Variants in COL10A1 observed in about 807,000 individuals in gnomAD.
COL10A1 encodes the protein collagen alpha-1(X) chain.
In COL10A1, 10 loss-of-function variants were observed where a neutral mutation model predicts 18.2. That is an observed-to-expected ratio of 0.55 (90% confidence interval 0.34 to 0.93). COL10A1 has a LOEUF of 0.93. Ranked by LOEUF, COL10A1 falls within the 40% of genes least tolerant of loss-of-function variation. The probability of loss-of-function intolerance (pLI) is 0.02; values close to 1 mark genes in which losing one functional copy is unlikely to be tolerated. For missense variants in COL10A1, 897 were observed against 853.5 expected (o/e 1.05, Z -0.64); for synonymous variants, 330 against 316.6 (o/e 1.04, Z -0.45).
At chr6:116,177,662 G>A in the COL10A1 span, among the ~76,000 whole-genome samples, 5 of 152,024 alleles carry the variant, frequency 3.3e-5, no homozygotes, top group South Asian at 2.1e-4. Context: ...CTAAAAATTC[G>A]TGGATATAAG....
intron 1 of COL10A1, among the ~76,000 whole-genome samples, chr6:116,143,429 G>A (rs1582831293): frequency 6.6e-6 from 1 of 152,100 alleles, no homozygotes; most frequent in East Asian, 1.9e-4. Context: ...GGCCAGGATG[G>A]TCTTGATCTC....
the COL10A1 span, among the ~76,000 whole-genome samples, chr6:116,184,526 T>C: frequency 6.6e-6 from 1 of 152,146 alleles, no homozygotes; most frequent in African/African-American, 2.4e-5. Context: ...TGGCCTTTTT[T>C]TGTTGGTAAC....
chr6:116,207,958 G>A, the COL10A1 span, among the ~76,000 whole-genome samples: 2 of 151,792 alleles, frequency 1.3e-5, no homozygotes, highest in African/African-American at 2.4e-5. Context: ...ATGTTGTCTC[G>A]GCATTCTGTT....
the COL10A1 span, among the ~76,000 whole-genome samples, chr6:116,196,615 G>A: frequency 6.6e-6 from 1 of 152,036 alleles, no homozygotes; most frequent in Non-Finnish European, 1.5e-5. Flanking sequence ...GAGGTCAGGG[G>A]AACAGGAGGA....
At chr6:116,150,439 C>A (rs937722928) in intron 1 of COL10A1, among the ~76,000 whole-genome samples, 1 of 152,060 alleles carries the variant, frequency 6.6e-6, no homozygotes, top group South Asian at 2.1e-4. Flanking sequence ...TGCCCGCCAC[C>A]ACACCCAACT....
At chr6:116,186,527 G>C in the COL10A1 span, among the ~76,000 whole-genome samples, 1 of 151,684 alleles carries the variant, frequency 6.6e-6, no homozygotes, top group Non-Finnish European at 1.5e-5. Flanking sequence ...TCTTAGGTTT[G>C]GTCATTTAAC....
upstream of COL10A1, among the ~76,000 whole-genome samples, chr6:116,130,564 C>CT (rs1779434237): frequency 6.6e-6 from 1 of 152,176 alleles, no homozygotes; most frequent in Admixed American, 6.5e-5. Flanking sequence ...AAACCACAGT[C>CT]TGAGTGCCTG....
At chr6:116,163,905 T>C in the COL10A1 span, among the ~76,000 whole-genome samples, 2,924 of 152,316 alleles carry the variant, frequency 0.019, 91 homozygotes, top group African/African-American at 0.066. Context: ...TATGTGGTTT[T>C]GAGAGTTCCT....
At chr6:116,183,122 G>T in the COL10A1 span, among the ~76,000 whole-genome samples, 1 of 152,018 alleles carries the variant, frequency 6.6e-6, no homozygotes, top group East Asian at 1.9e-4. Context: ...ACCATTTGTT[G>T]AATAGGGTAT....
chr6:116,187,830 GTATT>G, the COL10A1 span, among the ~76,000 whole-genome samples: 10 of 152,118 alleles, frequency 6.6e-5, no homozygotes, highest in East Asian at 1.9e-3. Context: ...GATAGAAACA[GTATT>G]GATTGATTGT....
intron 1 of COL10A1, among the ~76,000 whole-genome samples, chr6:116,154,803 ACT>A (rs1247181052): frequency 6.6e-6 from 1 of 152,140 alleles, no homozygotes; most frequent in Non-Finnish European, 1.5e-5. Context: ...AGGATTAATA[ACT>A]CTTAGCAGAG....
the COL10A1 span, among the ~76,000 whole-genome samples, chr6:116,193,772 TAAAAA>T: frequency 2.8e-5 from 1 of 35,536 alleles, no homozygotes; most frequent in Non-Finnish European, 5.7e-5. Flanking sequence ...CTGTTAAAAA[TAAAAA>T]AAGAGGAGTT....
Position 116,121,713 on chromosome 6 carries a change from G to A in COL10A1, c.403C>T (p.Pro135Ser). The change falls in exon 3 of 3, where the codon CCA becomes TCA. Residue 135 changes from proline to serine, a missense_variant. Physicochemically the swap from Pro to Ser is moderately conservative, Grantham distance 74 (BLOSUM62 -1). Transcript: ENST00000651968. ...GGTCCTGGTGGGCCCCGGGGTCCTG[G>A]TAGGCCAGCTGGTCCAACATCTCCT... is the stretch of plus-strand genomic sequence containing the variant. ...PKGDVGPAGL[P>S]GPRGPPGPPG... is the part of the protein sequence containing the mutation. The A allele has an allele frequency of 1.2e-6, 2 of 1,614,022 alleles. No homozygotes were observed. Among genetic ancestry groups the A allele is most frequent in the South Asian group, 1.1e-5 (1 of 91,054 alleles).
At chr6:116,203,387 C>G in the COL10A1 span, among the ~76,000 whole-genome samples, 1 of 151,916 alleles carries the variant, frequency 6.6e-6, no homozygotes, top group East Asian at 1.9e-4. Context: ...TCCCTTCTAG[C>G]CAACATCCCT....
chr6:116,121,713 G>C lies in COL10A1; in HGVS notation c.403C>G (p.Pro135Ala). ...GGTCCTGGTGGGCCCCGGGGTCCTG[G>C]TAGGCCAGCTGGTCCAACATCTCCT... is the stretch of plus-strand genomic sequence containing the variant. ...PKGDVGPAGL[P>A]GPRGPPGPPG... Residue 135 changes from proline to alanine, a missense_variant, in exon 3 of 3, where the codon CCA (proline) becomes GCA (alanine). By Grantham distance (27) the Pro-to-Ala change is conservative. Transcript: ENST00000651968. 1 of 1,614,022 alleles carries C rather than the reference G, an allele frequency of 6.2e-7. No homozygotes were observed. Among genetic ancestry groups the C allele is most frequent in the Non-Finnish European group, 8.5e-7 (1 of 1,179,978 alleles).
upstream of COL10A1, among the ~76,000 whole-genome samples, chr6:116,159,600 C>T (rs75133028): frequency 4.1e-4 from 62 of 152,300 alleles, no homozygotes; most frequent in African/African-American, 1.5e-3. Flanking sequence ...ATGCTCCCTG[C>T]AGCACACACA....
At position 116,151,082 on chromosome 6, in the gene COL10A1, A is replaced by G. The variant is rs184831430; in HGVS notation, c.-16+7532T>C. ...TCTCTGAGTTTTTATTTTTTTGTGAATTTGCTCAGGGATTAGAATTTGCAG... is the reference window on the plus strand; with the variant it reads ...TCTCTGAGTTTTTATTTTTTTGTGAGTTTGCTCAGGGATTAGAATTTGCAG... On this transcript the variant is annotated intron_variant, in intron 1 of 1. Transcript: ENST00000418500. Among the ~76,000 whole-genome samples, 594 of 152,058 alleles carry G rather than the reference A, an allele frequency of 3.9e-3. 3 individuals are homozygous for G. The highest frequency in any genetic ancestry group is 6.4e-3 in the Admixed American group (98 of 15,254).
upstream of COL10A1, among the ~76,000 whole-genome samples, chr6:116,127,613 C>T (rs1028767968): frequency 6.6e-6 from 1 of 152,002 alleles, no homozygotes; most frequent in Non-Finnish European, 1.5e-5. Flanking sequence ...TGGCTTATGG[C>T]CCATTTGGAC....
At chr6:116,151,110 C>A (rs571014639) in intron 1 of COL10A1, among the ~76,000 whole-genome samples, 1 of 152,192 alleles carries the variant, frequency 6.6e-6, no homozygotes, top group Admixed American at 6.5e-5. Flanking sequence ...ATTTGCAGCT[C>A]CTAATTGCAA....
Sources: allele counts gnomAD v4.1 joint callset (sites outside exome capture counted in the v4.1 genomes callset), GRCh38; gene constraint gnomAD v4.1.1; transcripts MANE v1.5; gene names NCBI Gene and HGNC (gene_info 2026-07-23, HGNC 2026-07-21).